The following PUS1 variants were observed in gnomAD, a reference collection of about 807,000 sequenced individuals.
The protein encoded by PUS1 is pseudouridylate synthase 1 homolog.
In PUS1, 25 loss-of-function variants were observed where a neutral mutation model predicts 38.5. That is an observed-to-expected ratio of 0.65 (90% CI 0.47 to 0.91). PUS1 has a LOEUF of 0.91. PUS1 is among the 40% of genes least tolerant of loss of function. The pLI is 0.00. For synonymous variants in PUS1, 282 were observed against 260.4 expected (o/e 1.08, Z -0.80); for missense variants, 597 against 612.3 (o/e 0.97, Z 0.26).
chr12:131,929,885 C>A (rs1260359951), intron 1 of PUS1, 22 bp from the exon 2 acceptor site: 3 of 1,463,636 alleles, frequency 2.0e-6, no homozygotes, highest in Non-Finnish European at 2.7e-6. Flanking sequence ...CGGGCCCCCG[C>A]TCACGCCGCC....
At position 131,929,953 on chromosome 12, in the gene PUS1, G is replaced by C; in HGVS notation, c.121G>C (p.Ala41Pro). 1 of 1,507,626 alleles carries C rather than the reference G, an allele frequency of 6.6e-7. No individual in the cohort carries two copies. The highest frequency in any genetic ancestry group is 1.4e-5 in the African/African-American group (1 of 69,872). The allele number at this position is 1,507,626 out of a possible 1,614,324, so 93.4% of individuals were successfully genotyped here. A position where few individuals can be genotyped will look rare whatever the true frequency, so the allele number is the denominator to read the frequency against. The change falls in exon 2 of 6, where the codon GCA becomes CCA. Residue 41 changes from alanine (A) to proline (P), a missense_variant. Transcript: ENST00000376649. ...CGCGGAGCCGCCGCCCGCCGGAGCC[G>C]CATGCCCCCAGGACCGGAGGTCCTG... Reference protein sequence around the residue: ...GNAEPPPAGAACPQDRRSCSG... With the variant: ...GNAEPPPAGAPCPQDRRSCSG...
Position 131,941,752 on chromosome 12 carries a change from G to T in PUS1, c.1005G>T (p.Leu335=), listed in dbSNP as rs1317933652. Residue 335 remains leucine, a synonymous_variant, in exon 5 of 6, where the codon CTG becomes CTT. Transcript: ENST00000376649. This position sits in a 1 kb window ranked among gnomAD's most constrained non-coding sequence, Gnocchi z 4.4. ...VPKAPGLGLV[L]ERVHFEKYNQ... Reference sequence around the variant, plus strand: ...AGGCGCCCGGACTCGGCCTGGTCCTGGAGAGGGTGCACTTCGAGAAGTACA... The same window carrying T: ...AGGCGCCCGGACTCGGCCTGGTCCTTGAGAGGGTGCACTTCGAGAAGTACA... The T allele has an allele frequency of 6.2e-6, 10 of 1,613,960 alleles. No individual in the cohort carries two copies. Among genetic ancestry groups the T allele is most frequent in the Non-Finnish European group, 8.5e-6 (10 of 1,179,886 alleles).
Position 131,941,344 on chromosome 12 carries a change from G to T in PUS1, c.597G>T (p.Arg199Ser). 1 of 1,614,208 alleles carries T rather than the reference G, an allele frequency of 6.2e-7. No individual in the cohort carries two copies. The highest frequency in any genetic ancestry group is 8.5e-7 in the Non-Finnish European group (1 of 1,180,048). The stretch of plus-strand genomic sequence containing the variant: ...ACTCCAAGAACAGATGTGATGCCAG[G>T]ACCTATTGCTACCTGCTGCCCACGT... ...GFNSKNRCDA[R>S]TYCYLLPTFA... Residue 199 changes from arginine (R) to serine (S), a missense_variant, in exon 5 of 6, where the codon AGG (arginine) becomes AGT (serine). Transcript: ENST00000376649. This position sits in a 1 kb window ranked among gnomAD's most constrained non-coding sequence, Gnocchi z 4.4.
intron 2 of PUS1, among the ~76,000 whole-genome samples, chr12:131,930,364 C>G (rs1167651427): frequency 6.6e-6 from 1 of 152,174 alleles, no homozygotes; most frequent in Non-Finnish European, 1.5e-5. Flanking sequence ...TTATCTGGGG[C>G]GGGGTTCACT....
chr12:131,941,906 A>G lies in PUS1; in HGVS notation c.1159A>G (p.Met387Val), dbSNP rs766344359. 6.2e-7 allele frequency: 1 copy of G among 1,613,376 alleles called. No homozygotes were observed. Among genetic ancestry groups the G allele is most frequent in the Non-Finnish European group, 8.5e-7 (1 of 1,180,038 alleles). Reference protein sequence around the residue: ...IIGTERDERSMAQWLSTLPIH... With the variant: ...IIGTERDERSVAQWLSTLPIH... The stretch of plus-strand genomic sequence containing the variant: ...CGGCACCGAGCGGGACGAACGCTCC[A>G]TGGCCCAGTGGCTGAGCACCTTGCC... Residue 387 changes from methionine to valine, a missense_variant, in exon 5 of 6, where the codon ATG becomes GTG. By Grantham distance (21) the Met-to-Val change is conservative. Coordinates refer to ENST00000376649, the MANE Select transcript of PUS1 (RefSeq NM_025215.6). This position sits in a 1 kb window ranked among gnomAD's most constrained non-coding sequence, Gnocchi z 4.4.
intron 5 of PUS1, 82 bp from the exon 6 acceptor site, chr12:131,943,457 G>C: frequency 5.1e-6 from 6 of 1,169,272 alleles, no homozygotes; most frequent in Non-Finnish European, 5.2e-6. Flanking sequence ...CCTGTGCCAA[G>C]CCTGTCATGG....
Position 131,944,865 on chromosome 12 carries a change from G to A in PUS1, c.*1279G>A, listed in dbSNP as rs374132152. The A allele has an allele frequency of 5.3e-5, 8 of 152,348 alleles. No individual in the cohort carries two copies. The East Asian group carries it at 9.6e-4, about 18-fold the overall frequency. 9.4% of individuals were successfully genotyped at this position (152,348 alleles called of 1,614,324 possible). On this transcript the variant is annotated 3_prime_UTR_variant, in exon 6 of 6. Transcript: ENST00000376649. ...ATCCAGCGGCCCTTCGTAGCTGCAA[G>A]GGAGGCTGGGGAAGACTGCTTTTGA...
In PUS1 at chr12:131,941,574, GC is replaced by G; in HGVS notation, c.829del (p.Leu277TrpfsTer5). On this transcript the variant is annotated frameshift_variant, in exon 5 of 6. Transcript: ENST00000376649. LOFTEE classifies it high-confidence loss of function. The surrounding 1 kb of genome is among the most constrained non-coding windows in gnomAD (Gnocchi z 4.4). ...MYCEEPFVRE[G>X]LEFAVIRVKG... is the part of the protein sequence containing the mutation. ...TGCGAGGAACCCTTTGTGCGGGAGGGCCTGGAGTTTGCGGTGATCAGGGTGA... is the reference window on the plus strand; with the variant it reads ...TGCGAGGAACCCTTTGTGCGGGAGGGCTGGAGTTTGCGGTGATCAGGGTGA... 1 of 1,614,220 alleles carries G rather than the reference GC, an allele frequency of 6.2e-7. No homozygotes were observed. Among genetic ancestry groups the G allele is most frequent in the Non-Finnish European group, 8.5e-7 (1 of 1,180,032 alleles).
At chr12:131,942,212 C>T (rs529633123) in intron 5 of PUS1, among the ~76,000 whole-genome samples, 2 of 152,180 alleles carry the variant, frequency 1.3e-5, no homozygotes, top group South Asian at 4.1e-4. Flanking sequence ...GTCCCAGGGT[C>T]AGGCTTGCTG....
rs1222319953 is a variant in PUS1, at chr12:131,929,812, C to T, written c.74+16C>T. Reference sequence around the variant, plus strand: ...GTCCGTCCTGGTAATGACCGCGACGCCGGGCGACCCCGCTATGCCCGCCCA... The same window carrying T: ...GTCCGTCCTGGTAATGACCGCGACGTCGGGCGACCCCGCTATGCCCGCCCA... On this transcript the variant is annotated intron_variant, in intron 1 of 5. Coordinates refer to ENST00000376649, the MANE Select transcript of PUS1 (RefSeq NM_025215.6). The T allele has an allele frequency of 1.3e-6, 2 of 1,567,870 alleles. No individual in the cohort carries two copies. Among genetic ancestry groups the T allele is most frequent in the Non-Finnish European group, 1.7e-6 (2 of 1,167,548 alleles).
chr12:131,942,121 C>G (rs1310244642), intron 5 of PUS1, 138 bp downstream of exon 5: 15 of 866,238 alleles, frequency 1.7e-5, no homozygotes, highest in Middle Eastern at 3.3e-4. Context: ...CAGGGGCAGG[C>G]GGTCTTGAGA....
intron 2 of PUS1, chr12:131,931,948 T>G: frequency 1.6e-6 from 1 of 632,454 alleles, no homozygotes; most frequent in Admixed American, 2.4e-5. Context: ...CAAACCTGTG[T>G]TTTGATTCCA....
Position 131,932,102 on chromosome 12 carries a change from A to G in PUS1, c.304-73A>G, listed in dbSNP as rs1258976047. 5 of 1,412,334 alleles carry G rather than the reference A, an allele frequency of 3.5e-6. No individual in the cohort carries two copies. The African/African-American group carries it at 7.1e-5, about 20-fold the overall frequency. The allele number at this position is 1,412,334 out of a possible 1,614,324, so 87.5% of individuals were successfully genotyped here. On this transcript the variant is annotated intron_variant, in intron 2 of 5. Coordinates refer to ENST00000376649, the MANE Select transcript of PUS1 (RefSeq NM_025215.6). ...AGAGGAGTAAGCGGCCAGGAGTTCG[A>G]GACCAGCCTGGGCAACATCATGGCG...
At chr12:131,934,495 G>T (rs912642684) in intron 3 of PUS1, 1 of 152,058 alleles carries the variant, frequency 6.6e-6, no homozygotes, top group Admixed American at 6.6e-5. Flanking sequence ...ATTTTTCCTA[G>T]GTTATAATTA....
intron 3 of PUS1, among the ~76,000 whole-genome samples, chr12:131,935,560 G>A (rs1670061634): frequency 6.6e-6 from 1 of 152,094 alleles, no homozygotes. Flanking sequence ...TTGAGACGGA[G>A]TTTCACTCTT....
At position 131,944,405 on chromosome 12, in the gene PUS1, T is replaced by A. The variant is rs1377403459; in HGVS notation, c.*819T>A. ...GGTGGGCGCCTGTAATCCCAGCTACTTGGGAGGCTGAGGCAGGAGAATCGC... is the reference window on the plus strand; with the variant it reads ...GGTGGGCGCCTGTAATCCCAGCTACATGGGAGGCTGAGGCAGGAGAATCGC... On this transcript the variant is annotated 3_prime_UTR_variant, in exon 6 of 6. Transcript: ENST00000376649. 1 of 152,178 alleles carries A rather than the reference T, an allele frequency of 6.6e-6. No homozygotes were observed. The highest frequency in any genetic ancestry group is 1.5e-5 in the Non-Finnish European group (1 of 68,170). 9.4% of individuals were successfully genotyped at this position (152,178 alleles called of 1,614,324 possible).
In PUS1 at chr12:131,944,504, A is replaced by G; in HGVS notation, c.*918A>G. ...ACTCCAGCCTGGGTGAGAGAGCCAA[A>G]CTCCGTCAAAAAAAAAACAACAAAA... On this transcript the variant is annotated 3_prime_UTR_variant, in exon 6 of 6. Coordinates refer to ENST00000376649, the MANE Select transcript of PUS1 (RefSeq NM_025215.6). The G allele has an allele frequency of 6.6e-6, 1 of 151,914 alleles. No individual in the cohort carries two copies. The highest frequency in any genetic ancestry group is 1.5e-5 in the Non-Finnish European group (1 of 68,064). The allele number at this position is 151,914 out of a possible 1,614,324, so 9.4% of individuals were successfully genotyped here.
intron 5 of PUS1, among the ~76,000 whole-genome samples, chr12:131,942,709 C>A (rs533918027): frequency 1.3e-5 from 2 of 152,182 alleles, no homozygotes; most frequent in African/African-American, 2.4e-5. Context: ...TCCGGCCAGC[C>A]TGAGTTCTTT....
chr12:131,943,209 A>G (rs538899043), intron 5 of PUS1, among the ~76,000 whole-genome samples: 1 of 152,342 alleles, frequency 6.6e-6, no homozygotes, highest in South Asian at 2.1e-4. Flanking sequence ...TGTGGACTCC[A>G]CTGATGAGAG....
Sources: gnomAD v4.1 joint callset for allele counts (sites outside exome capture counted in the v4.1 genomes callset) on GRCh38, gnomAD v4.1.1 for gene constraint, Gnocchi (gnomAD v3.1) non-coding constraint, MANE v1.5 for transcripts, NCBI Gene and HGNC (gene_info 2026-07-23, HGNC 2026-07-21) for gene names.